MED27: variants seen among roughly 807,000 people sequenced by gnomAD.
The protein encoded by MED27 is mediator of RNA polymerase II transcription subunit 27.
Under a neutral mutation model 38.2 loss-of-function variants are expected in MED27, and 30 were observed. The ratio of observed to expected loss-of-function variants is 0.79; its 90% confidence interval spans 0.59 to 1.07. The LOEUF is 1.07. Ranked by LOEUF, MED27 falls within the 50% of genes least tolerant of loss-of-function variation. The probability of loss-of-function intolerance (pLI) is 0.00; values close to 1 mark genes in which losing one functional copy is unlikely to be tolerated. For synonymous variants in MED27, 122 were observed against 153.5 expected, an observed-to-expected ratio of 0.79 and a Z score of 1.52; for missense variants, 289 against 397.5, an observed-to-expected ratio of 0.73 and a Z score of 2.32.
At chr9:131,935,443 C>A (rs775542970) in intron 4 of MED27, among the ~76,000 whole-genome samples, 1 of 152,138 alleles carries the variant, frequency 6.6e-6, no homozygotes, top group Non-Finnish European at 1.5e-5. Flanking sequence ...ATTTATAAAG[C>A]AAAATTGTAA....
intron 4 of MED27, among the ~76,000 whole-genome samples, chr9:131,938,788 A>G (rs889790535): frequency 1.3e-4 from 20 of 148,952 alleles, no homozygotes; most frequent in African/African-American, 4.5e-4. Flanking sequence ...ATCTCGGCTC[A>G]CTGCAAGCTC....
chr9:131,868,598 C>G (rs546827743), intron 6 of MED27: 14 of 985,372 alleles, frequency 1.4e-5, no homozygotes, highest in Admixed American at 1.2e-4. Flanking sequence ...TTACATTGGA[C>G]AGAGGAGGAG....
intron 4 of MED27, among the ~76,000 whole-genome samples, chr9:131,907,746 C>T (rs1345697179): frequency 4.6e-5 from 7 of 150,942 alleles, no homozygotes; most frequent in East Asian, 2.0e-4. Flanking sequence ...CGTCTCTGCC[C>T]GGCCGCCATC....
intron 2 of MED27, among the ~76,000 whole-genome samples, chr9:132,036,502 G>A (rs933254846): frequency 1.6e-4 from 24 of 152,132 alleles, no homozygotes; most frequent in Admixed American, 1.2e-3. Flanking sequence ...GCGTCTGGCC[G>A]TTAACTGTTT....
intron 4 of MED27, among the ~76,000 whole-genome samples, chr9:131,894,579 T>G (rs1009627470): frequency 2.6e-5 from 4 of 152,036 alleles, no homozygotes; most frequent in Non-Finnish European, 5.9e-5. Context: ...GGAAATACAT[T>G]TAAGTGCTTT....
At chr9:131,882,125 T>A (rs1228399246) in intron 6 of MED27, among the ~76,000 whole-genome samples, 1 of 152,182 alleles carries the variant, frequency 6.6e-6, no homozygotes, top group East Asian at 1.9e-4. Context: ...GATCAGATCA[T>A]GAATCTGTAA....
chr9:132,014,647 C>T (rs1311412082), intron 2 of MED27, among the ~76,000 whole-genome samples, 180 bp from the exon 3 acceptor site: 1 of 152,140 alleles, frequency 6.6e-6, no homozygotes, highest in African/African-American at 2.4e-5. Flanking sequence ...ATCAGACAAA[C>T]AGGAAACAAA....
chr9:131,882,328 A>G (rs989032386), intron 6 of MED27, among the ~76,000 whole-genome samples: 3 of 152,174 alleles, frequency 2.0e-5, no homozygotes, highest in African/African-American at 4.8e-5. Flanking sequence ...TCACTGCTCA[A>G]TGCACACCAG....
intron 3 of MED27, among the ~76,000 whole-genome samples, chr9:131,964,083 G>A (rs1831280992): frequency 1.3e-5 from 2 of 151,978 alleles, no homozygotes; most frequent in Non-Finnish European, 2.9e-5. Flanking sequence ...GAAGCTGAAA[G>A]GGTTAAAAAT....
chr9:131,999,368 G>T (rs1832169858), intron 3 of MED27, among the ~76,000 whole-genome samples: 1 of 152,146 alleles, frequency 6.6e-6, no homozygotes, highest in African/African-American at 2.4e-5. Context: ...TAGGTCTTTT[G>T]TAAGTTTCAT....
At chr9:131,866,616 C>G (rs574091161) in intron 6 of MED27, among the ~76,000 whole-genome samples, 1 of 152,334 alleles carries the variant, frequency 6.6e-6, no homozygotes, top group South Asian at 2.1e-4. Context: ...AGCAGTGACG[C>G]CTTGGGCGAG....
chr9:132,047,117 T>G (rs570247597), intron 2 of MED27, among the ~76,000 whole-genome samples: 1 of 152,164 alleles, frequency 6.6e-6, no homozygotes, highest in Non-Finnish European at 1.5e-5. Context: ...CATATATCTA[T>G]ATATATCTTT....
rs544888646 is a variant in MED27 at position 132,050,661 on chromosome 9, C to G, written c.348+26781G>C. On this transcript the variant is annotated intron_variant, in intron 2 of 7. Coordinates refer to ENST00000292035, the MANE Select transcript of MED27 (RefSeq NM_004269.4). ...TCCAAAGACTCCAAGGCTGGACTTG[C>G]AGTTTCCTCTGCTGGAAGGCGCTCT... Among the ~76,000 whole-genome samples, 3 of 152,190 alleles carry G rather than the reference C, an allele frequency of 2.0e-5. No homozygotes were observed. The East Asian group carries it at 5.8e-4, about 29-fold the overall frequency.
chr9:131,995,689 G>A (rs757860776), intron 3 of MED27, among the ~76,000 whole-genome samples: 2 of 152,106 alleles, frequency 1.3e-5, no homozygotes, highest in Non-Finnish European at 2.9e-5. Flanking sequence ...ACCCCTTTCT[G>A]TAGTAGGCCC....
At chr9:132,026,499 T>G (rs772625245) in intron 2 of MED27, among the ~76,000 whole-genome samples, 39 of 152,196 alleles carry the variant, frequency 2.6e-4, no homozygotes, top group Non-Finnish European at 4.3e-4. Context: ...TTTCCCAAAG[T>G]GTATTCCACA....
In MED27 at chr9:131,917,011, G is replaced by A. The variant is rs1830303779; in HGVS notation, c.573+22370C>T. 6.6e-6 allele frequency among the ~76,000 whole-genome samples: 1 copy of A among 152,208 alleles called. No individual in the cohort carries two copies. The highest frequency in any genetic ancestry group is 1.5e-5 in the Non-Finnish European group (1 of 68,038). ...AGAATGCACAGCCGTTTTGCCAGAA[G>A]GGGCAGCAGGTGGAGAAGGGTGCCA... On this transcript the variant is annotated intron_variant, in intron 4 of 7. Coordinates refer to ENST00000292035, the MANE Select transcript of MED27 (RefSeq NM_004269.4). This position sits in a 1 kb window ranked among gnomAD's most constrained non-coding sequence, Gnocchi z 4.6.
In MED27 at chr9:131,907,435, G is replaced by T. The variant is rs569714766; in HGVS notation, c.574-13443C>A. Among the ~76,000 whole-genome samples, 28 of 152,316 alleles carry T rather than the reference G, an allele frequency of 1.8e-4. No homozygotes were observed. In the South Asian group the frequency reaches 5.6e-3, roughly 30 times the overall value. ...GGGTTTCGCCGTGTTGGCCGGGCTG[G>T]TCTCCATCTCCTAACCGTGAGTGAT... On this transcript the variant is annotated intron_variant, in intron 4 of 7. Transcript: ENST00000292035.
At chr9:131,946,972 A>C (rs1830898232) in intron 3 of MED27, among the ~76,000 whole-genome samples, 1 of 152,066 alleles carries the variant, frequency 6.6e-6, no homozygotes, top group Non-Finnish European at 1.5e-5. Flanking sequence ...TCATTAAATA[A>C]TTTTTTGAGT....
chr9:131,986,065 T>A (rs966376020), intron 3 of MED27, among the ~76,000 whole-genome samples: 2 of 152,180 alleles, frequency 1.3e-5, no homozygotes, highest in Non-Finnish European at 2.9e-5. Context: ...AATGTATTTG[T>A]TTTAAGGTAA....
Sources: gnomAD v4.1 joint callset for allele counts (sites outside exome capture counted in the v4.1 genomes callset) on GRCh38, gnomAD v4.1.1 for gene constraint, Gnocchi (gnomAD v3.1) non-coding constraint, MANE v1.5 for transcripts, NCBI Gene and HGNC (gene_info 2026-07-23, HGNC 2026-07-21) for gene names.